FLACC1: variants seen among roughly 807,000 people sequenced by gnomAD.
The protein encoded by FLACC1 is flagellum associated containing coiled-coil domains 1, also known as flagellum-associated coiled-coil domain-containing protein 1.
Under a neutral mutation model 62.8 loss-of-function variants are expected in FLACC1, and 66 were observed. That is an observed-to-expected ratio of 1.05 (90% CI 0.86 to 1.29). The LOEUF (loss-of-function observed/expected upper bound fraction) is 1.29, where lower values mean the gene tolerates loss of function less well. FLACC1 is among the 50% of genes most tolerant of loss of function. The pLI is 0.00. For missense variants in FLACC1, 452 were observed against 489.1 expected, an observed-to-expected ratio of 0.92 and a Z score of 0.71; for synonymous variants, 156 against 161.0, an observed-to-expected ratio of 0.97 and a Z score of 0.24.
chr2:201,304,933 C>G (rs1950070364), intron 11 of FLACC1, among the ~76,000 whole-genome samples: 1 of 152,132 alleles, frequency 6.6e-6, no homozygotes, highest in African/African-American at 2.4e-5. Flanking sequence ...AAAATTAATT[C>G]AAGATGGATT....
At position 201,309,925 on chromosome 2, in the gene FLACC1, A is replaced by AAAAAAAAAAAAAAAAAAAG. The variant is rs764506462; in HGVS notation, c.676-676_676-675insCTTTTTTTTTTTTTTTTTT. Reference sequence around the variant, plus strand: ...TGTCTCAAAAAAAAAAAAAAAAAAAAAAGAAGAAGAAAGGAAATACCTAGT... The same window carrying AAAAAAAAAAAAAAAAAAAG: ...TGTCTCAAAAAAAAAAAAAAAAAAAAAAAAAAAAAAAAAAAAAAGAAGAAGAAGAAAGGAAATACCTAGT... On this transcript the variant is annotated intron_variant, in intron 9 of 14. Transcript: ENST00000392257. Among the ~76,000 whole-genome samples, 16 of 99,436 alleles carry AAAAAAAAAAAAAAAAAAAG rather than the reference A, an allele frequency of 1.6e-4. 2 individuals are homozygous for AAAAAAAAAAAAAAAAAAAG. Among genetic ancestry groups the AAAAAAAAAAAAAAAAAAAG allele is most frequent in the South Asian group, 8.1e-4 (2 of 2,456 alleles). The allele number at this position is 99,436 out of a possible 152,430, so 65.2% of individuals were successfully genotyped here.
intron 12 of FLACC1, among the ~76,000 whole-genome samples, chr2:201,295,785 G>A (rs912660940): frequency 6.6e-6 from 1 of 152,060 alleles, no homozygotes; most frequent in Non-Finnish European, 1.5e-5. Context: ...TAATATTCCA[G>A]AATCTACAAT....
intron 9 of FLACC1, 33 bp from the exon 10 acceptor site, chr2:201,309,283 A>G: frequency 6.5e-7 from 1 of 1,542,518 alleles, no homozygotes; most frequent in East Asian, 2.2e-5. Flanking sequence ...TGAAGAAAAG[A>G]GTCCTAAAAT....
At chr2:201,289,600 C>A (rs1054329280) in intron 13 of FLACC1, 34 bp from the exon 14 acceptor site, 1 of 1,613,128 alleles carries the variant, frequency 6.2e-7, no homozygotes, top group Non-Finnish European at 8.5e-7. Context: ...CCATCTTCCC[C>A]AACCCAGAGC....
intron 10 of FLACC1, among the ~76,000 whole-genome samples, chr2:201,308,607 C>A (rs1282889509): frequency 6.6e-6 from 1 of 152,036 alleles, no homozygotes; most frequent in Admixed American, 6.6e-5. Context: ...TGAACAAGTC[C>A]AATGGGGGTG....
At chr2:201,309,822 G>A (rs1178651793) in intron 9 of FLACC1, among the ~76,000 whole-genome samples, 4 of 145,348 alleles carry the variant, frequency 2.8e-5, no homozygotes, top group Admixed American at 2.2e-4. Context: ...CAGGAGACTC[G>A]CTTGAACCTA....
Position 201,344,405 on chromosome 2 carries a change from G to A in FLACC1, c.369-142C>T, listed in dbSNP as rs1057223637. 4.7e-5 allele frequency: 33 copies of A among 707,500 alleles called. No individual in the cohort carries two copies. In the African/African-American group the frequency reaches 4.7e-4, roughly 10 times the overall value. The allele number at this position is 707,500 out of a possible 1,614,324, so 43.8% of individuals were successfully genotyped here. A position where few individuals can be genotyped will look rare whatever the true frequency, so the allele number is the denominator to read the frequency against. On this transcript the variant is annotated intron_variant, in intron 5 of 14. Transcript: ENST00000392257. ...TTCTGCACCTGCTCTATCATTATGG[G>A]GTGGGGGTGGAGGGATAGGGGTGGT...
At chr2:201,342,541 A>G (rs76757580) in intron 6 of FLACC1, 110 bp from the exon 7 acceptor site, 1 of 1,054,534 alleles carries the variant, frequency 9.5e-7, no homozygotes, top group South Asian at 1.3e-5. Flanking sequence ...CTTCCAATTC[A>G]TGGGGCACAG....
chr2:201,346,030 T>A lies in FLACC1; in HGVS notation c.368+512A>T, dbSNP rs1037519167. Among the ~76,000 whole-genome samples the A allele has an allele frequency of 2.6e-5, 4 of 152,076 alleles. No homozygotes were observed. Among genetic ancestry groups the A allele is most frequent in the Non-Finnish European group, 5.9e-5 (4 of 68,000 alleles). ...AGCTATAAATATTAGCCGGGCGTCA[T>A]GGTGCAAGCCTGTAATCCTAGCTAC... On this transcript the variant is annotated intron_variant, in intron 5 of 14. Coordinates refer to ENST00000392257, the MANE Select transcript of FLACC1 (RefSeq NM_001127391.3). This position sits in a 1 kb window ranked among gnomAD's most constrained non-coding sequence, Gnocchi z 4.0.
In FLACC1 at chr2:201,346,318, C is replaced by G. The variant is rs969832291; in HGVS notation, c.368+224G>C. ...CAATCACATAACTCCCAATCTTCAT[C>G]CTGCCCCTTGGATCTGCTCACGGAT... is the stretch of plus-strand genomic sequence containing the variant. On this transcript the variant is annotated intron_variant, in intron 5 of 14. Coordinates refer to ENST00000392257, the MANE Select transcript of FLACC1 (RefSeq NM_001127391.3). This position sits in a 1 kb window ranked among gnomAD's most constrained non-coding sequence, Gnocchi z 4.0. Among the ~76,000 whole-genome samples, 4 of 152,210 alleles carry G rather than the reference C, an allele frequency of 2.6e-5. No individual in the cohort carries two copies. Among genetic ancestry groups the G allele is most frequent in the African/African-American group, 9.7e-5 (4 of 41,438 alleles).
At chr2:201,301,759 G>T (rs1315048375) in intron 11 of FLACC1, among the ~76,000 whole-genome samples, 1 of 152,244 alleles carries the variant, frequency 6.6e-6, no homozygotes, top group Non-Finnish European at 1.5e-5. Context: ...CTACAAGCCA[G>T]AAGAGAGTGG....
At position 201,345,933 on chromosome 2, in the gene FLACC1, G is replaced by A. The variant is rs541002634; in HGVS notation, c.368+609C>T. On this transcript the variant is annotated intron_variant, in intron 5 of 14. Coordinates refer to ENST00000392257, the MANE Select transcript of FLACC1 (RefSeq NM_001127391.3). ...TAATCCCAGCACTTTGGGAGGCTGA[G>A]GCCAGAGGATTACCTGAGGTCAGGA... Among the ~76,000 whole-genome samples the A allele has an allele frequency of 1.3e-3, 195 of 152,292 alleles. 2 individuals are homozygous for A. The highest frequency in any genetic ancestry group is 4.2e-3 in the African/African-American group (175 of 41,540).
intron 1 of FLACC1, among the ~76,000 whole-genome samples, chr2:201,354,327 T>A (rs1347315497): frequency 6.6e-6 from 1 of 152,028 alleles, no homozygotes; most frequent in Non-Finnish European, 1.5e-5. Context: ...GAGAGCTAAG[T>A]GAGCAGTGGA....
At position 201,344,227 on chromosome 2, in the gene FLACC1, T is replaced by C; in HGVS notation, c.405A>G (p.Ser135=). Residue 135 remains serine, a synonymous_variant, in exon 6 of 15, where the codon TCA becomes TCG. Transcript: ENST00000392257. ...NIISDLEEQI[S]ELTAIIEQMN... is the part of the protein sequence containing the mutation. The stretch of plus-strand genomic sequence containing the variant: ...TTTGTTCAATTATTGCTGTCAGCTC[T>C]GAGATTTGCTCTTCTAGGTCAGAAA... 1 of 1,613,748 alleles carries C rather than the reference T, an allele frequency of 6.2e-7. No homozygotes were observed. The highest frequency in any genetic ancestry group is 8.5e-7 in the Non-Finnish European group (1 of 1,179,692).
At chr2:201,302,937 A>G (rs1282435909) in intron 11 of FLACC1, among the ~76,000 whole-genome samples, 2 of 152,250 alleles carry the variant, frequency 1.3e-5, no homozygotes, top group Non-Finnish European at 2.9e-5. Context: ...AGCAGTGTGT[A>G]GAGGGAAATT....
rs570458765 is a variant in FLACC1, at chr2:201,290,923, G to C, written c.943-1138C>G. On this transcript the variant is annotated intron_variant, in intron 12 of 14. Coordinates refer to ENST00000392257, the MANE Select transcript of FLACC1 (RefSeq NM_001127391.3). ...TAAGGTCCTACGCCCACGGAGCCTTGCTCATTGCTAGCACAGCAGTCTGAG... is the reference window on the plus strand; with the variant it reads ...TAAGGTCCTACGCCCACGGAGCCTTCCTCATTGCTAGCACAGCAGTCTGAG... Among the ~76,000 whole-genome samples, 4 of 152,328 alleles carry C rather than the reference G, an allele frequency of 2.6e-5. No homozygotes were observed. The East Asian group carries it at 5.8e-4, about 22-fold the overall frequency.
intron 9 of FLACC1, among the ~76,000 whole-genome samples, chr2:201,327,459 C>G (rs1312984440): frequency 6.7e-6 from 1 of 148,912 alleles, no homozygotes; most frequent in Admixed American, 6.6e-5. Context: ...TCAAACAAAT[C>G]AGCAAGAAAA....
chr2:201,295,539 A>T (rs1352354696), intron 12 of FLACC1, among the ~76,000 whole-genome samples: 1 of 152,192 alleles, frequency 6.6e-6, no homozygotes, highest in East Asian at 1.9e-4. Flanking sequence ...TAAATGTTAG[A>T]CCTAAAACCA....
upstream of FLACC1, among the ~76,000 whole-genome samples, chr2:201,358,145 G>T (rs1213640096): frequency 6.6e-6 from 1 of 152,090 alleles, no homozygotes; most frequent in Non-Finnish European, 1.5e-5. Context: ...CTAGGTGTGG[G>T]GATATACCTC....
Sources: gnomAD v4.1 joint callset for allele counts (sites outside exome capture counted in the v4.1 genomes callset) on GRCh38, gnomAD v4.1.1 for gene constraint, Gnocchi (gnomAD v3.1) non-coding constraint, MANE v1.5 for transcripts, NCBI Gene and HGNC (gene_info 2026-07-23, HGNC 2026-07-21) for gene names.